Variants in ITPR3 observed in about 807,000 individuals in gnomAD.
ITPR3 encodes inositol 1,4,5-trisphosphate receptor type 3, also known as inositol 1,4,5-trisphosphate-gated calcium channel ITPR3.
In ITPR3, 173 loss-of-function variants were observed where a neutral mutation model predicts 293.2. The ratio of observed to expected loss-of-function variants is 0.59; its 90% CI spans 0.52 to 0.67. ITPR3 has a LOEUF of 0.67. ITPR3 is among the 30% of genes least tolerant of loss of function. The probability of loss-of-function intolerance (pLI) is 0.00; values close to 1 mark genes in which losing one functional copy is unlikely to be tolerated. For synonymous variants in ITPR3, 1,295 were observed against 1,444.4 expected, an observed-to-expected ratio of 0.90 and a Z score of 2.35; for missense variants, 2,796 against 3,592.1, an observed-to-expected ratio of 0.78 and a Z score of 5.66.
chr6:33,668,010 C>G, intron 16 of ITPR3, 46 bp downstream of exon 16: 1 of 1,601,326 alleles, frequency 6.2e-7, no homozygotes, highest in Non-Finnish European at 8.5e-7. Flanking sequence ...CCTCCCTCCT[C>G]CCTTGCCTGG....
chr6:33,648,294 G>A lies in ITPR3; in HGVS notation c.161-7472G>A, dbSNP rs187351320. ...TTGCCCAGGCTCGTCTCAAATTCCCGGGCTCAAGCAATCCTCTTGCCTTGG... is the reference window on the plus strand; with the variant it reads ...TTGCCCAGGCTCGTCTCAAATTCCCAGGCTCAAGCAATCCTCTTGCCTTGG... On this transcript the variant is annotated intron_variant, in intron 2 of 57. Coordinates refer to ENST00000605930, the MANE Select transcript of ITPR3 (RefSeq NM_002224.4). Among the ~76,000 whole-genome samples, 7 of 151,882 alleles carry A rather than the reference G, an allele frequency of 4.6e-5. No individual in the cohort carries two copies. The East Asian group carries it at 1.2e-3, about 25-fold the overall frequency.
At chr6:33,662,016 A>AAAAAAAAAAAAAAAAAC (rs1195798519) in intron 7 of ITPR3, among the ~76,000 whole-genome samples, 4 of 147,550 alleles carry the variant, frequency 2.7e-5, no homozygotes, top group Non-Finnish European at 4.4e-5. Context: ...AAAAAAAAAA[A>AAAAAAAAAAAAAAAAAC]AGACAGGATC....
At position 33,690,111 on chromosome 6, in the gene ITPR3, C is replaced by T; in HGVS notation, c.6945C>T (p.Val2315=). Residue 2315 remains valine (V), a synonymous_variant, in exon 51 of 58, where the codon GTC becomes GTT. Coordinates refer to ENST00000605930, the MANE Select transcript of ITPR3 (RefSeq NM_002224.4). The part of the protein sequence containing the change: ...GTFIRGYKAM[V]MDMEFLYHVG... ...TCATCCGGGGCTATAAGGCCATGGT[C>T]ATGGACATGGAATTCCTCTACCACG... 6.2e-7 allele frequency: 1 copy of T among 1,614,166 alleles called. No homozygotes were observed. The highest frequency in any genetic ancestry group is 8.5e-7 in the Non-Finnish European group (1 of 1,180,028).
Position 33,658,763 on chromosome 6 carries a change from A to G in ITPR3, c.463A>G (p.Thr155Ala). 6.2e-7 allele frequency: 1 copy of G among 1,614,182 alleles called. No homozygotes were observed. The highest frequency in any genetic ancestry group is 8.5e-7 in the Non-Finnish European group (1 of 1,180,022). ...CGCCATGCGGGTGACTCTGGATGCC[A>G]CAGGCAACGAGGGTTCCTGGCTCTT... The part of the protein sequence containing the change: ...KNAMRVTLDA[T>A]GNEGSWLFIQ... The change falls in exon 5 of 58, where the codon ACA becomes GCA. Residue 155 changes from threonine to alanine, a missense_variant. Thr to Ala is a moderately conservative substitution (Grantham distance 58). This residue lies in a region of ITPR3 where 144 missense variants were observed against 230.8 expected (regional missense o/e 0.62). Coordinates refer to ENST00000605930, the MANE Select transcript of ITPR3 (RefSeq NM_002224.4). The surrounding 1 kb of genome is among the most constrained non-coding windows in gnomAD (Gnocchi z 6.1).
intron 6 of ITPR3, 107 bp downstream of exon 6, chr6:33,659,226 C>A: frequency 1.8e-6 from 2 of 1,110,330 alleles, no homozygotes; most frequent in Non-Finnish European, 1.3e-6. Context: ...CCCATCTGAC[C>A]TGCCGGACAA....
chr6:33,691,129 C>G lies in ITPR3; in HGVS notation c.7225+20C>G. On this transcript the variant is annotated intron_variant, in intron 52 of 57. Transcript: ENST00000605930. This position sits in a 1 kb window ranked among gnomAD's most constrained non-coding sequence, Gnocchi z 4.9. The stretch of plus-strand genomic sequence containing the variant: ...CCACAGGTCTTGGAGGCTTCCTCTC[C>G]TGGGCAGGTTGTGGGGAATGAGGTT... 6.2e-7 allele frequency: 1 copy of G among 1,612,510 alleles called. No homozygotes were observed. Among genetic ancestry groups the G allele is most frequent in the African/African-American group, 1.3e-5 (1 of 75,012 alleles).
chr6:33,667,664 T>TC lies in ITPR3; in HGVS notation c.1714-126dup. ...CTCTTCTGCCCAGCGATGCTTCCTTTCCTGGACCTCTGCCTTTCTAGGGTA... is the reference window on the plus strand; with the variant it reads ...CTCTTCTGCCCAGCGATGCTTCCTTTCCCTGGACCTCTGCCTTTCTAGGGTA... On this transcript the variant is annotated intron_variant, in intron 15 of 57. Coordinates refer to ENST00000605930, the MANE Select transcript of ITPR3 (RefSeq NM_002224.4). The surrounding 1 kb of genome is among the most constrained non-coding windows in gnomAD (Gnocchi z 4.4). 9.8e-7 allele frequency: 1 copy of TC among 1,019,994 alleles called. No homozygotes were observed. Among genetic ancestry groups the TC allele is most frequent in the Non-Finnish European group, 1.4e-6 (1 of 702,104 alleles). 63.2% of individuals were successfully genotyped at this position (1,019,994 alleles called of 1,614,324 possible). A position where few individuals can be genotyped will look rare whatever the true frequency, so the allele number is the denominator to read the frequency against.
Position 33,664,962 on chromosome 6 carries a change from G to A in ITPR3, c.1241G>A (p.Arg414Gln), listed in dbSNP as rs1390345256. 19 of 1,613,888 alleles carry A rather than the reference G, an allele frequency of 1.2e-5. No individual in the cohort carries two copies. Among genetic ancestry groups the A allele is most frequent in the Admixed American group, 1.7e-5 (1 of 60,012 alleles). Reference protein sequence around the residue: ...PIDIEEERPIRLMLGTCPTKE... With the variant: ...PIDIEEERPIQLMLGTCPTKE... The stretch of plus-strand genomic sequence containing the variant: ...GACATCGAGGAGGAGCGGCCCATCC[G>A]GCTCATGGTGCGTGTCCCTGGGGTG... The change falls in exon 12 of 58, where the codon CGG becomes CAG. Residue 414 changes from arginine (R) to glutamine (Q), a missense_variant. By Grantham distance (43) the Arg-to-Gln change is conservative (BLOSUM62 1). Transcript: ENST00000605930. The surrounding 1 kb of genome is among the most constrained non-coding windows in gnomAD (Gnocchi z 4.4).
intron 2 of ITPR3, among the ~76,000 whole-genome samples, chr6:33,641,195 A>G (rs1243534108): frequency 6.6e-6 from 1 of 152,160 alleles, no homozygotes; most frequent in Non-Finnish European, 1.5e-5. Flanking sequence ...ATTAAACAAT[A>G]TCCTGGCTGT....
rs1017404978 is a variant in ITPR3 at position 33,660,446 on chromosome 6, C to A, written c.711+897C>A. ...CCCTGCTCAGGCTGCCTCAGTCCCC[C>A]ACCCTCCTCATCCTTCTTACCTCCT... On this transcript the variant is annotated intron_variant, in intron 7 of 57. Transcript: ENST00000605930. Among the ~76,000 whole-genome samples the A allele has an allele frequency of 7.9e-5, 12 of 152,094 alleles. No homozygotes were observed. The East Asian group carries it at 2.1e-3, about 27-fold the overall frequency.
Position 33,633,766 on chromosome 6 carries a change from G to GGGGCCC in ITPR3, c.90-6713_90-6712insCGGGCC, listed in dbSNP as rs1763742739. 6.9e-6 allele frequency among the ~76,000 whole-genome samples: 1 copy of GGGGCCC among 145,046 alleles called. No individual in the cohort carries two copies. Among genetic ancestry groups the GGGGCCC allele is most frequent in the Non-Finnish European group, 1.5e-5 (1 of 65,230 alleles). On this transcript the variant is annotated intron_variant, in intron 1 of 57. Coordinates refer to ENST00000605930, the MANE Select transcript of ITPR3 (RefSeq NM_002224.4). This position sits in a 1 kb window ranked among gnomAD's most constrained non-coding sequence, Gnocchi z 5.2. ...TCGCCGCGGGGGCGGGGGCGGGGCC[G>GGGGCCC]GGGCCGGGGCCGGACGCCCGGAGCT...
Position 33,667,080 on chromosome 6 carries a change from G to T in ITPR3, c.1552-49G>T. 1 of 1,595,032 alleles carries T rather than the reference G, an allele frequency of 6.3e-7. No homozygotes were observed. Among genetic ancestry groups the T allele is most frequent in the Non-Finnish European group, 8.6e-7 (1 of 1,168,074 alleles). ...GGATGACTCCTGGGATGACTTAGGG[G>T]TACAGACAGGTGTTGGGGAATCAGT... is the stretch of plus-strand genomic sequence containing the variant. On this transcript the variant is annotated intron_variant, in intron 14 of 57. Coordinates refer to ENST00000605930, the MANE Select transcript of ITPR3 (RefSeq NM_002224.4). The surrounding 1 kb of genome is among the most constrained non-coding windows in gnomAD (Gnocchi z 4.4).
Position 33,670,313 on chromosome 6 carries a change from C to T in ITPR3, c.2190-12C>T, listed in dbSNP as rs1764720768. On this transcript the variant is annotated splice_polypyrimidine_tract_variant and intron_variant, in intron 18 of 57. Transcript: ENST00000605930. This position sits in a 1 kb window ranked among gnomAD's most constrained non-coding sequence, Gnocchi z 6.7. Reference sequence around the variant, plus strand: ...CATCTGCCGTGTCCTCACAGTCCTCCCTGTCCTGCAGGTACCAGCTGAAGC... The same window carrying T: ...CATCTGCCGTGTCCTCACAGTCCTCTCTGTCCTGCAGGTACCAGCTGAAGC... The T allele has an allele frequency of 6.2e-7, 1 of 1,613,906 alleles. No individual in the cohort carries two copies. The highest frequency in any genetic ancestry group is 8.5e-7 in the Non-Finnish European group (1 of 1,180,000).
rs112080481 is a variant in ITPR3, at chr6:33,674,288, G to A, written c.3116+23G>A. 5.0e-6 allele frequency: 8 copies of A among 1,612,222 alleles called. No individual in the cohort carries two copies. In the African/African-American group the frequency reaches 1.1e-4, roughly 22 times the overall value. On this transcript the variant is annotated intron_variant, in intron 24 of 57. Coordinates refer to ENST00000605930, the MANE Select transcript of ITPR3 (RefSeq NM_002224.4). ...GGGGTGAGGCCAGGGTTGAGCTGCA[G>A]GGGTGTGTGGGGTTGGGAGGCTCGA...
At chr6:33,662,160 C>T (rs1764488736) in intron 7 of ITPR3, among the ~76,000 whole-genome samples, 1 of 151,876 alleles carries the variant, frequency 6.6e-6, no homozygotes, top group African/African-American at 2.4e-5. Flanking sequence ...CAGCCATGGC[C>T]CCGGGGACAC....
rs2229641 is a variant in ITPR3 at position 33,691,076 on chromosome 6, G to C, written c.7192G>C (p.Glu2398Gln). 1,802 of 1,614,106 alleles carry C rather than the reference G, an allele frequency of 1.1e-3. 16 individuals carry two copies. The African/African-American group carries it at 0.02, about 18-fold the overall frequency. ...CTTCCTCAAGGATGACTTCATTCTC[G>C]AGGTCGACCGGCTGCCCAACAACCA... The part of the protein sequence containing the change: ...FLFLKDDFIL[E>Q]VDRLPNNHST... The change falls in exon 52 of 58, where the codon GAG becomes CAG. Residue 2398 changes from glutamate (E) to glutamine (Q), a missense_variant. Transcript: ENST00000605930. The surrounding 1 kb of genome is among the most constrained non-coding windows in gnomAD (Gnocchi z 4.9).
chr6:33,659,538 G>A lies in ITPR3; in HGVS notation c.700G>A (p.Val234Met). The A allele has an allele frequency of 6.2e-7, 1 of 1,613,936 alleles. No homozygotes were observed. Among genetic ancestry groups the A allele is most frequent in the Non-Finnish European group, 8.5e-7 (1 of 1,179,862 alleles). The part of the protein sequence containing the change: ...FMQFRDHLEE[V>M]LKGGDVVRLF... The stretch of plus-strand genomic sequence containing the variant: ...GCAGTTTCGGGACCACCTGGAGGAG[G>A]TGTTGAAAGGGGTAAGGACTGGGAA... The change falls in exon 7 of 58, where the codon GTG (valine) becomes ATG (methionine). Residue 234 changes from valine to methionine, a missense_variant. By Grantham distance (21) the Val-to-Met change is conservative. Around this residue, in one of 8 missense-constraint regions of ITPR3, gnomAD observed 144 missense variants for 230.8 expected, o/e 0.62. Transcript: ENST00000605930.
Position 33,688,160 on chromosome 6 carries a change from AGATCGAG to A in ITPR3, c.6370_6375+1del. The A allele has an allele frequency of 6.2e-7, 1 of 1,614,094 alleles. No individual in the cohort carries two copies. The highest frequency in any genetic ancestry group is 8.5e-7 in the Non-Finnish European group (1 of 1,179,972). Reference sequence around the variant, plus strand: ...GCCTACTATGAGAACCACACGTCCCAGATCGAGGTGGGCCTGTGGGCAGCAGGGGCGG... The same window carrying A: ...GCCTACTATGAGAACCACACGTCCCAGTGGGCCTGTGGGCAGCAGGGGCGG... On this transcript the variant is annotated frameshift_variant and splice_region_variant, in exon 47 of 58. Coordinates refer to ENST00000605930, the MANE Select transcript of ITPR3 (RefSeq NM_002224.4). LOFTEE classifies it high-confidence loss of function.
In ITPR3 at chr6:33,621,432, A is replaced by G. The variant is rs940583835; in HGVS notation, c.-171A>G. 3 of 464,158 alleles carry G rather than the reference A, an allele frequency of 6.5e-6. No homozygotes were observed. The highest frequency in any genetic ancestry group is 4.5e-5 in the Admixed American group (1 of 22,288). The allele number at this position is 464,158 out of a possible 1,614,324, so 28.8% of individuals were successfully genotyped here. On this transcript the variant is annotated 5_prime_UTR_variant, in exon 1 of 58. Transcript: ENST00000605930. The surrounding 1 kb of genome is among the most constrained non-coding windows in gnomAD (Gnocchi z 7.7). The stretch of plus-strand genomic sequence containing the variant: ...CTCACCCGGACCCCGGGCCCCGCCG[A>G]GCCGCCTCCTGGCTCCCGTGGCCGC...
Sources: allele counts gnomAD v4.1 joint callset (sites outside exome capture counted in the v4.1 genomes callset), GRCh38; gene constraint gnomAD v4.1.1; regional missense constraint gnomAD v4.1.1; non-coding constraint Gnocchi (gnomAD v3.1); transcripts MANE v1.5; gene names NCBI Gene and HGNC (gene_info 2026-07-23, HGNC 2026-07-21).